Variants in KCNQ5 observed in about 807,000 individuals in gnomAD.
KCNQ5 encodes the protein potassium voltage-gated channel subfamily KQT member 5.
A neutral mutation model predicts 98.2 loss-of-function variants in KCNQ5; 30 were observed. The observed-to-expected ratio is 0.31, with a 90% CI of 0.23 to 0.41. KCNQ5 has a LOEUF of 0.41. Among genes scored for constraint, KCNQ5 ranks in the 10% least tolerant of loss-of-function variants. KCNQ5 has a pLI of 1.00. For missense variants in KCNQ5, 835 were observed against 1,182.5 expected (o/e 0.71, Z 4.31); for synonymous variants, 458 against 449.4 (o/e 1.02, Z -0.24).
chr6:73,104,672 T>G (rs1774930702), intron 5 of KCNQ5, among the ~76,000 whole-genome samples: 1 of 152,204 alleles, frequency 6.6e-6, no homozygotes, highest in African/African-American at 2.4e-5. Context: ...CTCAAGCTTA[T>G]AATAACTAAT....
intron 1 of KCNQ5, among the ~76,000 whole-genome samples, chr6:72,730,533 A>G (rs1770504693): frequency 6.6e-6 from 1 of 152,130 alleles, no homozygotes. Flanking sequence ...TTTTTTCTGT[A>G]TGGCCACCCA....
At chr6:72,805,212 G>A (rs925138601) in intron 1 of KCNQ5, among the ~76,000 whole-genome samples, 1 of 151,996 alleles carries the variant, frequency 6.6e-6, no homozygotes, top group African/African-American at 2.4e-5. Flanking sequence ...GCCTGTACTT[G>A]TAAGATATTA....
At chr6:72,906,087 A>T (rs1779687336) in intron 1 of KCNQ5, among the ~76,000 whole-genome samples, 1 of 151,740 alleles carries the variant, frequency 6.6e-6, no homozygotes, top group South Asian at 2.1e-4. Context: ...GCTGTGGGGG[A>T]TGGGGGTGAG....
chr6:72,792,847 G>C (rs1489926123), intron 1 of KCNQ5, among the ~76,000 whole-genome samples: 1 of 152,198 alleles, frequency 6.6e-6, no homozygotes, highest in Non-Finnish European at 1.5e-5. Context: ...CATTGCAGCA[G>C]ACAGTAATAC....
chr6:72,865,487 T>G (rs555625790), intron 1 of KCNQ5, among the ~76,000 whole-genome samples: 2 of 152,332 alleles, frequency 1.3e-5, no homozygotes, highest in South Asian at 4.1e-4. Flanking sequence ...CCTGTCACCA[T>G]TCTTCTCTCT....
At chr6:72,970,893 A>G (rs1182682967) in intron 1 of KCNQ5, among the ~76,000 whole-genome samples, 1 of 152,168 alleles carries the variant, frequency 6.6e-6, no homozygotes, top group Admixed American at 6.5e-5. Context: ...AACCATAAAA[A>G]CCCTAGAAGA....
chr6:72,999,020 G>A (rs1769441273), intron 1 of KCNQ5, among the ~76,000 whole-genome samples: 1 of 152,186 alleles, frequency 6.6e-6, no homozygotes, highest in Non-Finnish European at 1.5e-5. Flanking sequence ...CCTGGGGATT[G>A]TGTGTTTGTG....
At chr6:72,626,986 A>G (rs1358134411) in intron 1 of KCNQ5, among the ~76,000 whole-genome samples, 2 of 152,228 alleles carry the variant, frequency 1.3e-5, no homozygotes, top group Non-Finnish European at 2.9e-5. Flanking sequence ...TATTCTGGTG[A>G]ATATAATGGG....
rs116841163 is a variant in KCNQ5, at chr6:73,000,648, G to A, written c.399-3260G>A. Among the ~76,000 whole-genome samples, 81 of 152,030 alleles carry A rather than the reference G, an allele frequency of 5.3e-4. No individual in the cohort carries two copies. In the East Asian group the frequency reaches 0.015, roughly 27 times the overall value. Reference sequence around the variant, plus strand: ...CTCAGACTTTCCAGCCACCACACCCGCTTCCCAGACTCCACTCCCCAATTT... The same window carrying A: ...CTCAGACTTTCCAGCCACCACACCCACTTCCCAGACTCCACTCCCCAATTT... On this transcript the variant is annotated intron_variant, in intron 1 of 13. Transcript: ENST00000370398.
In KCNQ5 at chr6:73,195,163, G is replaced by A. The variant is rs1404393345; in HGVS notation, c.2548G>A (p.Glu850Lys). 1 of 1,614,168 alleles carries A rather than the reference G, an allele frequency of 6.2e-7. No individual in the cohort carries two copies. Among genetic ancestry groups the A allele is most frequent in the East Asian group, 2.2e-5 (1 of 44,884 alleles). Reference sequence around the variant, plus strand: ...ACTGAATATACAACTTTCAGGGAGTGAGTCAAGTGGCTCCAGAGGCAGCCA... The same window carrying A: ...ACTGAATATACAACTTTCAGGGAGTAAGTCAAGTGGCTCCAGAGGCAGCCA... ...EELNIQLSGS[E>K]SSGSRGSQDF... Residue 850 changes from glutamate to lysine, a missense_variant, in exon 14 of 14, where the codon GAG becomes AAG. Coordinates refer to ENST00000370398, the MANE Select transcript of KCNQ5 (RefSeq NM_019842.4).
intron 1 of KCNQ5, among the ~76,000 whole-genome samples, chr6:72,810,241 T>C (rs1775176938): frequency 6.6e-6 from 1 of 152,262 alleles, no homozygotes; most frequent in African/African-American, 2.4e-5. Flanking sequence ...GTTGATTTTA[T>C]GAATTATTTG....
intron 11 of KCNQ5, among the ~76,000 whole-genome samples, chr6:73,182,120 T>C (rs1228323116): frequency 6.6e-6 from 1 of 152,206 alleles, no homozygotes; most frequent in African/African-American, 2.4e-5. Context: ...CAGGGCATTT[T>C]CTCTTAGCTC....
intron 1 of KCNQ5, among the ~76,000 whole-genome samples, chr6:72,695,370 A>G (rs776806258): frequency 6.6e-6 from 1 of 152,182 alleles, no homozygotes; most frequent in African/African-American, 2.4e-5. Flanking sequence ...GCTTACTGAA[A>G]AGTACAGAAA....
At chr6:72,971,084 T>C (rs980232363) in intron 1 of KCNQ5, among the ~76,000 whole-genome samples, 1 of 152,054 alleles carries the variant, frequency 6.6e-6, no homozygotes, top group Non-Finnish European at 1.5e-5. Flanking sequence ...GGGAGAAAAT[T>C]TTTGCAATCT....
In KCNQ5 at chr6:72,922,785, C is replaced by CCTTT. The variant is rs1428371163; in HGVS notation, c.399-81110_399-81107dup. 1.1e-4 allele frequency among the ~76,000 whole-genome samples: 15 copies of CCTTT among 136,518 alleles called. No individual in the cohort carries two copies. The East Asian group carries it at 2.9e-3, about 27-fold the overall frequency. The allele number at this position is 136,518 out of a possible 152,430, so 89.6% of individuals were successfully genotyped here. A position where few individuals can be genotyped will look rare whatever the true frequency, so the allele number is the denominator to read the frequency against. On this transcript the variant is annotated intron_variant, in intron 1 of 13. Transcript: ENST00000370398. The stretch of plus-strand genomic sequence containing the variant: ...AATATTTCATTGGGTATATAGGACA[C>CCTTT]CTTTCTTTCTTTCTTTTTCTTTTTC...
chr6:73,172,512 T>C (rs1182481851), intron 11 of KCNQ5, among the ~76,000 whole-genome samples: 4 of 152,220 alleles, frequency 2.6e-5, no homozygotes, highest in African/African-American at 9.6e-5. Context: ...AAAAACCAAC[T>C]AATACAATTA....
intron 1 of KCNQ5, among the ~76,000 whole-genome samples, chr6:72,998,377 T>C (rs1769399374): frequency 6.6e-6 from 1 of 152,234 alleles, no homozygotes; most frequent in Non-Finnish European, 1.5e-5. Context: ...ATTGTTTTCT[T>C]AAAATATTCT....
intron 1 of KCNQ5, among the ~76,000 whole-genome samples, chr6:72,664,715 G>C (rs927150900): frequency 6.6e-6 from 1 of 152,020 alleles, no homozygotes; most frequent in Non-Finnish European, 1.5e-5. Flanking sequence ...AGCTATATAA[G>C]AGAAGCAGGG....
intron 1 of KCNQ5, among the ~76,000 whole-genome samples, chr6:72,942,032 T>A (rs766412634): frequency 5.3e-5 from 8 of 152,112 alleles, no homozygotes. Context: ...GGGAAGGGCA[T>A]TTTCTGCTAA....
Sources: gnomAD v4.1 joint callset for allele counts (sites outside exome capture counted in the v4.1 genomes callset) on GRCh38, gnomAD v4.1.1 for gene constraint, MANE v1.5 for transcripts, NCBI Gene and HGNC (gene_info 2026-07-23, HGNC 2026-07-21) for gene names.